The following PCF11 variants were observed in gnomAD, a reference collection of about 807,000 sequenced individuals.
PCF11 encodes the protein pre-mRNA cleavage complex 2 protein Pcf11.
PCF11 carries 19 observed loss-of-function variants against 166.1 expected under a neutral mutation model. That is an observed-to-expected ratio of 0.11 (90% CI 0.08 to 0.17). The LOEUF (loss-of-function observed/expected upper bound fraction) is 0.17. PCF11 is among the 10% of genes least tolerant of loss of function. The pLI, the probability that PCF11 is intolerant of heterozygous loss-of-function variation, is 1.00. For synonymous variants in PCF11, 663 were observed against 644.1 expected (o/e 1.03, Z -0.44); for missense variants, 1,565 against 1,855.5 (o/e 0.84, Z 2.88).
intron 9 of PCF11, among the ~76,000 whole-genome samples, chr11:83,174,064 T>C (rs1287264376): frequency 1.3e-5 from 2 of 152,166 alleles, no homozygotes; most frequent in African/African-American, 4.8e-5. Context: ...TATATGTGTA[T>C]GTGTACAGGA....
chr11:83,167,134 G>T lies in PCF11; in HGVS notation c.1827G>T (p.Gln609His). ...GCTTTTATGGTTTCAGCTTACAACA[G>T]GTTGATGAACATAGTAAACCTCCTC... Residue 609 changes from glutamine to histidine, a missense_variant, in exon 6 of 16, where the codon CAG becomes CAT. Coordinates refer to ENST00000298281, the Ensembl canonical transcript of PCF11. The surrounding 1 kb of genome is among the most constrained non-coding windows in gnomAD (Gnocchi z 4.2). 6.2e-7 allele frequency: 1 copy of T among 1,610,816 alleles called. No individual in the cohort carries two copies. Among genetic ancestry groups the T allele is most frequent in the Non-Finnish European group, 8.5e-7 (1 of 1,178,074 alleles).
chr11:83,158,634 A>T (rs1278479549), intron 1 of PCF11: 1 of 152,152 alleles, frequency 6.6e-6, no homozygotes, highest in African/African-American at 2.4e-5. Context: ...CCAGTGCTAC[A>T]TTTTATTTTT....
At chr11:83,162,361 T>C (rs1162279409) in intron 2 of PCF11, among the ~76,000 whole-genome samples, 1 of 152,258 alleles carries the variant, frequency 6.6e-6, no homozygotes, top group African/African-American at 2.4e-5. Context: ...TACATGTTTA[T>C]TAGAAAATAA....
chr11:83,180,941 G>C (rs1272525262), intron 11 of PCF11, 67 bp from the exon 12 acceptor site: 2 of 828,180 alleles, frequency 2.4e-6, no homozygotes, highest in Non-Finnish European at 3.7e-6. Context: ...TGAAATATTT[G>C]TAATTGGCTT....
intron 15 of PCF11, among the ~76,000 whole-genome samples, chr11:83,183,894 T>G (rs955342265): frequency 6.6e-6 from 1 of 151,898 alleles, no homozygotes; most frequent in Non-Finnish European, 1.5e-5. Flanking sequence ...CTCATGCCTG[T>G]AATCCCAGCA....
intron 1 of PCF11, among the ~76,000 whole-genome samples, chr11:83,161,027 T>C (rs949749115): frequency 2.0e-5 from 3 of 152,196 alleles, no homozygotes; most frequent in Non-Finnish European, 2.9e-5. Context: ...TCCTCCTTAT[T>C]TTTGTCACTT....
At chr11:83,177,628 A>C (rs377070372) in intron 10 of PCF11, 86 bp from the exon 11 acceptor site, 1 of 573,600 alleles carries the variant, frequency 1.7e-6, no homozygotes, top group Non-Finnish European at 2.9e-6. Context: ...GGATTTCTCT[A>C]TTTGCTTATA....
Position 83,167,058 on chromosome 11 carries a change from T to G in PCF11, c.1818-67T>G. The stretch of plus-strand genomic sequence containing the variant: ...TAACCATATCCTTTGAAAAGAATCT[T>G]TAAATATGGTCCTGAGTATTTTTTA... On this transcript the variant is annotated intron_variant, in intron 5 of 15. Coordinates refer to ENST00000298281, the Ensembl canonical transcript of PCF11. This position sits in a 1 kb window ranked among gnomAD's most constrained non-coding sequence, Gnocchi z 4.2. 7.9e-7 allele frequency: 1 copy of G among 1,265,122 alleles called. No homozygotes were observed. The allele number at this position is 1,265,122 out of a possible 1,614,324, so 78.4% of individuals were successfully genotyped here.
chr11:83,177,659 A>C, intron 10 of PCF11, 55 bp from the exon 11 acceptor site: 2 of 865,596 alleles, frequency 2.3e-6, no homozygotes, highest in Non-Finnish European at 3.7e-6. Context: ...GTTCCTCTGT[A>C]GAGAATACAT....
At chr11:83,163,483 G>A (rs913335697) in intron 2 of PCF11, among the ~76,000 whole-genome samples, 196 bp from the exon 3 acceptor site, 2 of 152,074 alleles carry the variant, frequency 1.3e-5, no homozygotes, top group Non-Finnish European at 1.5e-5. Flanking sequence ...TTGCATGAAG[G>A]CTAGGTGAAA....
intron 9 of PCF11, among the ~76,000 whole-genome samples, chr11:83,173,890 C>T (rs2135435616): frequency 6.6e-6 from 1 of 152,026 alleles, no homozygotes; most frequent in South Asian, 2.1e-4. Context: ...GCCACTACAC[C>T]TGGCTAATTT....
chr11:83,183,234 G>A (rs2135449354), intron 15 of PCF11, among the ~76,000 whole-genome samples, 161 bp downstream of exon 15: 1 of 152,040 alleles, frequency 6.6e-6, no homozygotes, highest in East Asian at 1.9e-4. Flanking sequence ...AAAAACTGGT[G>A]CCAGATTGAC....
At chr11:83,186,560 T>C (rs1469367483) in exon 16 of PCF11, 1 of 152,248 alleles carries the variant, frequency 6.6e-6, no homozygotes, top group African/African-American at 2.4e-5. Flanking sequence ...GTGAAGAGCC[T>C]TCTTGGTCAT....
At chr11:83,164,486 T>A (rs1445594215) in intron 4 of PCF11, 85 bp downstream of exon 4, 23 of 973,840 alleles carry the variant, frequency 2.4e-5, no homozygotes, top group Non-Finnish European at 3.5e-5. Flanking sequence ...TTTATTAACA[T>A]GTTACTTTTA....
chr11:83,184,844 G>C, exon 16 of PCF11: 1 of 1,580,460 alleles, frequency 6.3e-7, no homozygotes, highest in Non-Finnish European at 8.5e-7. Flanking sequence ...GGAAAGCATA[G>C]CAACACCCTC....
At chr11:83,169,382 G>A in exon 8 of PCF11, 1 of 1,613,870 alleles carries the variant, frequency 6.2e-7, no homozygotes, top group Non-Finnish European at 8.5e-7. Flanking sequence ...GTACCAGGAG[G>A]TGGCCTGAGA....
rs1473296790 is a variant in PCF11 at position 83,167,804 on chromosome 11, ACGTCTTT to A, written c.2092+301_2092+307del. 1 of 1,359,786 alleles carries A rather than the reference ACGTCTTT, an allele frequency of 7.4e-7. No homozygotes were observed. The highest frequency in any genetic ancestry group is 2.2e-5 in the Admixed American group (1 of 45,734). The allele number at this position is 1,359,786 out of a possible 1,614,324, so 84.2% of individuals were successfully genotyped here. A position where few individuals can be genotyped will look rare whatever the true frequency, so the allele number is the denominator to read the frequency against. ...AAGAACAATTTAGTGAAAGAGCAAG[ACGTCTTT>A]CTCCTATATCTGGGAGTCGTACTTA... On this transcript the variant is annotated intron_variant, in intron 7 of 15. Coordinates refer to ENST00000298281, the Ensembl canonical transcript of PCF11. The surrounding 1 kb of genome is among the most constrained non-coding windows in gnomAD (Gnocchi z 4.2).
exon 8 of PCF11, chr11:83,168,528 A>G: frequency 6.2e-7 from 1 of 1,614,068 alleles, no homozygotes; most frequent in East Asian, 2.2e-5. Context: ...GTCCAGCATC[A>G]AGATTCGCCG....
intron 11 of PCF11, among the ~76,000 whole-genome samples, chr11:83,178,249 A>G (rs1565161212): frequency 6.6e-6 from 1 of 151,754 alleles, no homozygotes; most frequent in East Asian, 2.0e-4. Flanking sequence ...CGAACTCCTA[A>G]CCTCCAGTGA....
Sources: gnomAD v4.1 joint callset for allele counts (sites outside exome capture counted in the v4.1 genomes callset) on GRCh38, gnomAD v4.1.1 for gene constraint, Gnocchi (gnomAD v3.1) non-coding constraint, MANE v1.5 for transcripts, NCBI Gene and HGNC (gene_info 2026-07-23, HGNC 2026-07-21) for gene names.